KCNH5: variants seen among roughly 807,000 people sequenced by gnomAD.
The protein encoded by KCNH5 is potassium voltage-gated channel subfamily H member 5, also known as voltage-gated delayed rectifier potassium channel KCNH5.
KCNH5 carries 46 observed loss-of-function variants against 96.1 expected under a neutral mutation model. The observed-to-expected ratio is 0.48, with a 90% CI of 0.38 to 0.61. The LOEUF (loss-of-function observed/expected upper bound fraction) is 0.61, where lower values mean the gene tolerates loss of function less well. Among genes scored for constraint, KCNH5 ranks in the 20% least tolerant of loss-of-function variants. The pLI is 0.00. For synonymous variants in KCNH5, 439 were observed against 449.8 expected (o/e 0.98, Z 0.30); for missense variants, 907 against 1,225.8 (o/e 0.74, Z 3.88).
Position 63,028,296 on chromosome 14 carries a change from C to G in KCNH5, c.74-11342G>C, listed in dbSNP as rs140410817. On this transcript the variant is annotated intron_variant, in intron 1 of 10. Coordinates refer to ENST00000322893, the MANE Select transcript of KCNH5 (RefSeq NM_139318.5). ...CTCAGCAGGGTCCAGCTATCACTAC[C>G]CATCTGTTAATATGTTATTTCACTT... Among the ~76,000 whole-genome samples, 477 of 152,216 alleles carry G rather than the reference C, an allele frequency of 3.1e-3. 2 individuals are homozygous for G. The highest frequency in any genetic ancestry group is 7.1e-3 in the Admixed American group (109 of 15,266).
intron 10 of KCNH5, among the ~76,000 whole-genome samples, chr14:62,738,661 G>A (rs1400549441): frequency 6.6e-6 from 1 of 151,922 alleles, no homozygotes; most frequent in Non-Finnish European, 1.5e-5. Flanking sequence ...TCATACTTAG[G>A]GCATCTGATA....
chr14:62,724,767 AG>A (rs1270281903), intron 10 of KCNH5, among the ~76,000 whole-genome samples: 3 of 152,224 alleles, frequency 2.0e-5, no homozygotes, highest in Non-Finnish European at 4.4e-5. Flanking sequence ...TTGTTGCTGT[AG>A]TGTTGAACTT....
At chr14:62,929,633 C>A (rs1287259076) in intron 7 of KCNH5, among the ~76,000 whole-genome samples, 1 of 151,918 alleles carries the variant, frequency 6.6e-6, no homozygotes, top group Non-Finnish European at 1.5e-5. Context: ...TATTTTTGAA[C>A]CTCTCTTTTT....
chr14:62,982,911 C>CTACCATCATCT (rs1369646034), intron 5 of KCNH5, among the ~76,000 whole-genome samples: 2 of 152,108 alleles, frequency 1.3e-5, no homozygotes, highest in Admixed American at 6.5e-5. Flanking sequence ...GCAAATCATC[C>CTACCATCATCT]TACCAGGAGG....
At chr14:62,802,059 G>T (rs1456723615) in intron 9 of KCNH5, among the ~76,000 whole-genome samples, 1 of 152,022 alleles carries the variant, frequency 6.6e-6, no homozygotes, top group African/African-American at 2.4e-5. Flanking sequence ...GAGCTACAAG[G>T]CACGTTAGGC....
chr14:62,787,314 T>C (rs1391049948), intron 9 of KCNH5, among the ~76,000 whole-genome samples: 1 of 151,958 alleles, frequency 6.6e-6, no homozygotes, highest in African/African-American at 2.4e-5. Context: ...CAAAGCCAAA[T>C]CCAGAGCAAG....
intron 7 of KCNH5, among the ~76,000 whole-genome samples, chr14:62,912,654 C>T (rs1050371093): frequency 3.3e-5 from 5 of 152,180 alleles, no homozygotes; most frequent in Admixed American, 3.3e-4. Flanking sequence ...AATCCGCCAG[C>T]CTCGGCCTCC....
At chr14:62,935,314 C>A (rs904901978) in intron 7 of KCNH5, among the ~76,000 whole-genome samples, 33 of 152,120 alleles carry the variant, frequency 2.2e-4, no homozygotes, top group African/African-American at 7.7e-4. Flanking sequence ...TCCTGTTATG[C>A]TAGGGATACA....
intron 1 of KCNH5, among the ~76,000 whole-genome samples, chr14:63,019,896 C>A (rs1891393398): frequency 1.3e-5 from 2 of 151,968 alleles, no homozygotes. Flanking sequence ...AAATGGAAAC[C>A]TACAGCCTGG....
chr14:62,924,463 T>C (rs946709398), intron 7 of KCNH5, among the ~76,000 whole-genome samples: 1 of 151,880 alleles, frequency 6.6e-6, no homozygotes, highest in East Asian at 1.9e-4. Context: ...GCAATCCCAC[T>C]TCTGGGTACT....
intron 8 of KCNH5, among the ~76,000 whole-genome samples, chr14:62,820,009 A>ATGGG (rs1375577808): frequency 6.6e-6 from 1 of 152,168 alleles, no homozygotes; most frequent in African/African-American, 2.4e-5. Context: ...TGTCTACTAT[A>ATGGG]TGGGGGACAT....
chr14:62,983,284 G>A (rs1162511904), intron 5 of KCNH5, among the ~76,000 whole-genome samples: 2 of 151,582 alleles, frequency 1.3e-5, no homozygotes. Context: ...TGAGGCAGGA[G>A]AATCACTTGA....
chr14:62,997,652 G>T (rs1890930593), intron 4 of KCNH5, among the ~76,000 whole-genome samples: 1 of 151,720 alleles, frequency 6.6e-6, no homozygotes, highest in South Asian at 2.1e-4. Flanking sequence ...AAAAATATTG[G>T]TTTGGAAGGC....
At chr14:62,789,955 T>C (rs756989897) in intron 9 of KCNH5, among the ~76,000 whole-genome samples, 1 of 151,898 alleles carries the variant, frequency 6.6e-6, no homozygotes, top group Non-Finnish European at 1.5e-5. Flanking sequence ...CTTTTGGTGT[T>C]ATATCCAAAA....
In KCNH5 at chr14:62,825,677, T is replaced by C. The variant is rs1452185663; in HGVS notation, c.1570-23096A>G. ...CTTGTCAGATTATTGCTTTTTAAAA[T>C]ATAGTCTATATATTTCCAGATGGAA... On this transcript the variant is annotated intron_variant, in intron 8 of 10. Transcript: ENST00000322893. 2.6e-5 allele frequency among the ~76,000 whole-genome samples: 4 copies of C among 152,298 alleles called. No individual in the cohort carries two copies. The East Asian group carries it at 5.8e-4, about 22-fold the overall frequency.
At chr14:62,883,910 T>C (rs1035331478) in intron 7 of KCNH5, among the ~76,000 whole-genome samples, 9 of 152,182 alleles carry the variant, frequency 5.9e-5, no homozygotes, top group Non-Finnish European at 7.4e-5. Flanking sequence ...ACATATTTGA[T>C]CTCAATTTGC....
chr14:62,949,975 A>G, intron 7 of KCNH5, 158 bp downstream of exon 7: 2 of 630,182 alleles, frequency 3.2e-6, no homozygotes, highest in South Asian at 2.0e-5. Context: ...ATTATTTTGC[A>G]TTTCTATTTT....
chr14:63,031,989 T>G (rs562926266), intron 1 of KCNH5, among the ~76,000 whole-genome samples: 1 of 151,348 alleles, frequency 6.6e-6, no homozygotes, highest in Non-Finnish European at 1.5e-5. Flanking sequence ...GAGAAATATT[T>G]CAGAGGACTA....
At chr14:62,802,996 C>A (rs1009887124) in intron 8 of KCNH5, among the ~76,000 whole-genome samples, 4 of 151,934 alleles carry the variant, frequency 2.6e-5, no homozygotes, top group African/African-American at 9.7e-5. Context: ...ACAAAAAAAA[C>A]AAAAATTAGC....
Sources: gnomAD v4.1 joint callset for allele counts (sites outside exome capture counted in the v4.1 genomes callset) on GRCh38, gnomAD v4.1.1 for gene constraint, MANE v1.5 for transcripts, NCBI Gene and HGNC (gene_info 2026-07-23, HGNC 2026-07-21) for gene names.